Variants in MAF1 observed in about 807,000 individuals in gnomAD.
MAF1 encodes the protein MAF1 negative regulator of RNA polymerase III.
A neutral mutation model predicts 31.9 loss-of-function variants in MAF1; 7 were observed. That is an observed-to-expected ratio of 0.22 (90% CI 0.12 to 0.41). The LOEUF (loss-of-function observed/expected upper bound fraction) is 0.41, where lower values mean the gene tolerates loss of function less well. Among genes scored for constraint, MAF1 ranks in the 10% least tolerant of loss-of-function variants. The pLI, the probability that MAF1 is intolerant of heterozygous loss-of-function variation, is 1.00. For missense variants in MAF1, 221 were observed against 323.1 expected (o/e 0.68, Z 2.42); for synonymous variants, 157 against 120.0 (o/e 1.31, Z -2.02).
chr8:144,105,591 G>GC (rs1836395330), intron 1 of MAF1, 49 bp from the exon 2 acceptor site: 2 of 1,170,820 alleles, frequency 1.7e-6, no homozygotes, highest in East Asian at 4.7e-5. Flanking sequence ...TGAAGGCAGG[G>GC]CCCCAAGGGG....
chr8:144,105,614 C>T, intron 1 of MAF1, 26 bp from the exon 2 acceptor site: 5 of 1,409,870 alleles, frequency 3.5e-6, no homozygotes, highest in Middle Eastern at 1.8e-4. Context: ...AGATAGATAC[C>T]CATGGTCTGG....
Position 144,106,365 on chromosome 8 carries a change from G to C in MAF1, c.401G>C (p.Ser134Thr). 6.2e-7 allele frequency: 1 copy of C among 1,613,938 alleles called. No homozygotes were observed. Among genetic ancestry groups the C allele is most frequent in the Non-Finnish European group, 8.5e-7 (1 of 1,180,014 alleles). ...TAGGTGGTGAATGCAGTCAACTGCAGTCTGTTCTCAGCTGTGCGGGAGGAC... is the reference window on the plus strand; with the variant it reads ...TAGGTGGTGAATGCAGTCAACTGCACTCTGTTCTCAGCTGTGCGGGAGGAC... ...LSWVVNAVNC[S>T]LFSAVREDFK... is the part of the protein sequence containing the mutation. The change falls in exon 5 of 8, where the codon AGT (serine) becomes ACT (threonine). Residue 134 changes from serine to threonine, a missense_variant. Around this residue, in one of 2 missense-constraint regions of MAF1, gnomAD observed 146 missense variants for 263.1 expected, o/e 0.56. Transcript: ENST00000322428.
rs769561482 is a variant in MAF1 at position 144,106,337 on chromosome 8, C to T, written c.379-6C>T. On this transcript the variant is annotated splice_region_variant and splice_polypyrimidine_tract_variant and intron_variant, in intron 4 of 7. Coordinates refer to ENST00000322428, the MANE Select transcript of MAF1 (RefSeq NM_032272.5). ...CTCCTGTCACCCTGACTGTGACCTG[C>T]CCTAGGTGGTGAATGCAGTCAACTG... 4.3e-6 allele frequency: 7 copies of T among 1,613,628 alleles called. No homozygotes were observed. Among genetic ancestry groups the T allele is most frequent in the Non-Finnish European group, 5.9e-6 (7 of 1,179,896 alleles).
chr8:144,105,670 C>T lies in MAF1; in HGVS notation c.-14C>T. 1.9e-6 allele frequency: 3 copies of T among 1,612,280 alleles called. No homozygotes were observed. Among genetic ancestry groups the T allele is most frequent in the Non-Finnish European group, 2.5e-6 (3 of 1,179,024 alleles). ...ACTAGCCCCTCTGGAGCACGGAGCT[C>T]CTTCCCCAAAGACATGAAGCTATTG... On this transcript the variant is annotated 5_prime_UTR_variant, in exon 2 of 8. Coordinates refer to ENST00000322428, the MANE Select transcript of MAF1 (RefSeq NM_032272.5).
intron 5 of MAF1, 28 bp downstream of exon 5, chr8:144,106,492 C>T (rs369140574): frequency 1.2e-5 from 20 of 1,613,734 alleles, no homozygotes; most frequent in Middle Eastern, 1.6e-4. Flanking sequence ...CAGATGGCCT[C>T]CAGGCCTCCA....
rs1836403992 is a variant in MAF1 at position 144,105,920 on chromosome 8, G to A, written c.135G>A (p.Lys45=). ...CAGGAGACGACAAACACATGTTCAA[G>A]CAGTTCTGCCAGGAGGGCCAGCCCC... is the stretch of plus-strand genomic sequence containing the variant. The part of the protein sequence containing the change: ...KMAGDDKHMF[K]QFCQEGQPHV... The change falls in exon 3 of 8, where the codon AAG becomes AAA. Residue 45 remains lysine (K), a synonymous_variant. Transcript: ENST00000322428. The A allele has an allele frequency of 1.2e-6, 2 of 1,613,012 alleles. No individual in the cohort carries two copies. The highest frequency in any genetic ancestry group is 1.7e-6 in the Non-Finnish European group (2 of 1,180,028).
intron 1 of MAF1, 186 bp from the exon 2 acceptor site, chr8:144,105,454 C>T: frequency 3.5e-6 from 2 of 577,996 alleles, no homozygotes; most frequent in Non-Finnish European, 3.1e-6. Context: ...GGACTTACCA[C>T]CCTCAGGTAA....
chr8:144,107,505 G>A lies in MAF1; in HGVS notation c.*396G>A, dbSNP rs1458423903. 7 of 593,070 alleles carry A rather than the reference G, an allele frequency of 1.2e-5. No homozygotes were observed. In the East Asian group the frequency reaches 2.0e-4, roughly 17 times the overall value. 36.7% of individuals were successfully genotyped at this position (593,070 alleles called of 1,614,324 possible). A position where few individuals can be genotyped will look rare whatever the true frequency, so the allele number is the denominator to read the frequency against. ...CAGCAGTCACCGGCTCTGGTCTTGG[G>A]CCGGCCCCGGTGCCCACCTGTACCC... On this transcript the variant is annotated 3_prime_UTR_variant, in exon 8 of 8. Coordinates refer to ENST00000322428, the MANE Select transcript of MAF1 (RefSeq NM_032272.5).
In MAF1 at chr8:144,106,469, G is replaced by A; in HGVS notation, c.500+5G>A. 6.2e-7 allele frequency: 1 copy of A among 1,613,890 alleles called. No homozygotes were observed. The highest frequency in any genetic ancestry group is 8.5e-7 in the Non-Finnish European group (1 of 1,180,022). On this transcript the variant is annotated splice_donor_5th_base_variant and intron_variant, in intron 5 of 7. Coordinates refer to ENST00000322428, the MANE Select transcript of MAF1 (RefSeq NM_032272.5). ...GGCTGAATGTGACATCTACAGGTGG[G>A]CCGGCATCCCTGCAGATGGCCTCCA... is the stretch of plus-strand genomic sequence containing the variant.
Position 144,106,252 on chromosome 8 carries a change from G to A in MAF1, c.378+11G>A. 2 of 1,613,646 alleles carry A rather than the reference G, an allele frequency of 1.2e-6. No individual in the cohort carries two copies. The highest frequency in any genetic ancestry group is 1.1e-5 in the South Asian group (1 of 91,088). On this transcript the variant is annotated intron_variant, in intron 4 of 7. Coordinates refer to ENST00000322428, the MANE Select transcript of MAF1 (RefSeq NM_032272.5). ...CCCAGCCTTAGCTGGGTGAGGGTCA[G>A]GTGGAGGGAAGGGACCCACAGCCAC... is the stretch of plus-strand genomic sequence containing the variant.
Position 144,106,414 on chromosome 8 carries a change from G to A in MAF1, c.450G>A (p.Leu150=), listed in dbSNP as rs758483079. Residue 150 remains leucine (L), a synonymous_variant, in exon 5 of 8, where the codon CTG becomes CTA. Coordinates refer to ENST00000322428, the MANE Select transcript of MAF1 (RefSeq NM_032272.5). ...ACTTCAAGGATCTGAAACCACAGCTGTGGAACGCGGTGGACGAGGAGATCT... is the reference window on the plus strand; with the variant it reads ...ACTTCAAGGATCTGAAACCACAGCTATGGAACGCGGTGGACGAGGAGATCT... ...REDFKDLKPQ[L]WNAVDEEICL... The A allele has an allele frequency of 1.4e-5, 23 of 1,613,884 alleles. No individual in the cohort carries two copies. In the East Asian group the frequency reaches 3.3e-4, roughly 23 times the overall value.
Position 144,106,900 on chromosome 8 carries a change from T to G in MAF1, c.686T>G (p.Val229Gly), listed in dbSNP as rs151135525. 7 of 1,526,108 alleles carry G rather than the reference T, an allele frequency of 4.6e-6. No individual in the cohort carries two copies. Among genetic ancestry groups the G allele is most frequent in the African/African-American group, 4.2e-5 (3 of 70,980 alleles). The allele number at this position is 1,526,108 out of a possible 1,614,324, so 94.5% of individuals were successfully genotyped here. The change falls in exon 7 of 8, where the codon GTG (valine) becomes GGG (glycine). Residue 229 changes from valine to glycine, a missense_variant. Transcript: ENST00000322428. ...GACATGGAGCTGGGGGAGGAGGAGGTGGAGGAAGAAAGCAGAAGCGGGGGC... is the reference window on the plus strand; with the variant it reads ...GACATGGAGCTGGGGGAGGAGGAGGGGGAGGAAGAAAGCAGAAGCGGGGGC... ...ELDMELGEEE[V>G]EEESRSGGSG...
In MAF1 at chr8:144,104,781, G is replaced by C. The variant is rs965532425; in HGVS notation, c.-122G>C. 1 of 145,918 alleles carries C rather than the reference G, an allele frequency of 6.9e-6. No individual in the cohort carries two copies. Among genetic ancestry groups the C allele is most frequent in the African/African-American group, 2.5e-5 (1 of 39,806 alleles). 9.0% of individuals were successfully genotyped at this position (145,918 alleles called of 1,614,324 possible). ...CGCTGCGCGGAGCCCGCCCCCGCCT[G>C]CGCACCGGCACCGACGCGGAGCGAC... On this transcript the variant is annotated 5_prime_UTR_variant, in exon 1 of 8. Coordinates refer to ENST00000322428, the MANE Select transcript of MAF1 (RefSeq NM_032272.5).
chr8:144,106,321 C>T (rs1479682569), intron 4 of MAF1, 22 bp from the exon 5 acceptor site: 1 of 1,612,860 alleles, frequency 6.2e-7, no homozygotes, highest in Non-Finnish European at 8.5e-7. Flanking sequence ...GCTCCTGTCA[C>T]CCTGACTGTG....
chr8:144,106,471 CG>C lies in MAF1; in HGVS notation c.500+9del. On this transcript the variant is annotated splice_region_variant and intron_variant, in intron 5 of 7. Coordinates refer to ENST00000322428, the MANE Select transcript of MAF1 (RefSeq NM_032272.5). ...CTGAATGTGACATCTACAGGTGGGC[CG>C]GCATCCCTGCAGATGGCCTCCAGGC... 6.2e-7 allele frequency: 1 copy of C among 1,613,856 alleles called. No homozygotes were observed. The highest frequency in any genetic ancestry group is 8.5e-7 in the Non-Finnish European group (1 of 1,180,022).
At position 144,106,107 on chromosome 8, in the gene MAF1, G is replaced by A. The variant is rs759369208; in HGVS notation, c.244G>A (p.Gly82Ser). Residue 82 changes from glycine to serine, a missense_variant, in exon 4 of 8, where the codon GGC (glycine) becomes AGC (serine). This residue lies in a region of MAF1 where 146 missense variants were observed against 263.1 expected (regional missense o/e 0.56). Transcript: ENST00000322428. ...CAAAAGCCAAGGCGGTGAGGAGGAG[G>A]GCCCCCTCAGTGACAAGTGCAGCCG... ...LSKSQGGEEE[G>S]PLSDKCSRKT... The A allele has an allele frequency of 1.9e-6, 3 of 1,613,670 alleles. No homozygotes were observed. Among genetic ancestry groups the A allele is most frequent in the East Asian group, 4.5e-5 (2 of 44,878 alleles).
At position 144,106,867 on chromosome 8, in the gene MAF1, A is replaced by G. The variant is rs567306961; in HGVS notation, c.653A>G (p.Asn218Ser). ...ACCTACACACCCTCAGAGGCAGGCAACGAGCTGGACATGGAGCTGGGGGAG... is the reference window on the plus strand; with the variant it reads ...ACCTACACACCCTCAGAGGCAGGCAGCGAGCTGGACATGGAGCTGGGGGAG... ...GSTYTPSEAG[N>S]ELDMELGEEE... The change falls in exon 7 of 8, where the codon AAC becomes AGC. Residue 218 changes from asparagine to serine, a missense_variant. Physicochemically the swap from Asn to Ser is conservative, Grantham distance 46 (BLOSUM62 1). Transcript: ENST00000322428. The G allele has an allele frequency of 2.6e-6, 4 of 1,530,950 alleles. No homozygotes were observed. In the South Asian group the frequency reaches 3.9e-5, roughly 15 times the overall value. 94.8% of individuals were successfully genotyped at this position (1,530,950 alleles called of 1,614,324 possible).
Position 144,106,072 on chromosome 8 carries a change from G to T in MAF1, c.213-4G>T, listed in dbSNP as rs1229850997. The T allele has an allele frequency of 6.2e-7, 1 of 1,613,654 alleles. No homozygotes were observed. Among genetic ancestry groups the T allele is most frequent in the Admixed American group, 1.7e-5 (1 of 60,028 alleles). On this transcript the variant is annotated splice_polypyrimidine_tract_variant and splice_region_variant and intron_variant, in intron 3 of 7. Coordinates refer to ENST00000322428, the MANE Select transcript of MAF1 (RefSeq NM_032272.5). ...GGGCCCAGCTGATGGTTCTGTCTGT[G>T]CAGACTCAGCAAAAGCCAAGGCGGT...
At position 144,106,555 on chromosome 8, in the gene MAF1, C is replaced by T. The variant is rs760956377; in HGVS notation, c.501C>T (p.Ser167=). 6 of 1,613,842 alleles carry T rather than the reference C, an allele frequency of 3.7e-6. 1 individual carries two copies. Among genetic ancestry groups the T allele is most frequent in the Non-Finnish European group, 1.7e-6 (2 of 1,180,036 alleles). The part of the protein sequence containing the change: ...EICLAECDIY[S]YNPDLDSDPF... ...CCACCTGTCACCCTATACTCCCCAG[C>T]TATAACCCAGACTTGGACTCAGATC... Residue 167 remains serine, a splice_region_variant and synonymous_variant, in exon 6 of 8, where the codon AGC becomes AGT. Coordinates refer to ENST00000322428, the MANE Select transcript of MAF1 (RefSeq NM_032272.5).
Sources: gnomAD v4.1 joint callset for allele counts on GRCh38, gnomAD v4.1.1 for gene constraint, gnomAD v4.1.1 regional missense constraint, MANE v1.5 for transcripts, NCBI Gene and HGNC (gene_info 2026-07-23, HGNC 2026-07-21) for gene names.